PDE1C: variants seen among roughly 807,000 people sequenced by gnomAD.
PDE1C encodes the protein dual specificity calcium/calmodulin-dependent 3',5'-cyclic nucleotide phosphodiesterase 1C.
A neutral mutation model predicts 93.1 loss-of-function variants in PDE1C; 62 were observed. The ratio of observed to expected loss-of-function variants is 0.67; its 90% CI spans 0.54 to 0.82. The LOEUF (loss-of-function observed/expected upper bound fraction) is 0.82, where lower values mean the gene tolerates loss of function less well. PDE1C is among the 40% of genes least tolerant of loss of function. PDE1C has a pLI of 0.00. For synonymous variants in PDE1C, 325 were observed against 310.1 expected, an observed-to-expected ratio of 1.05 and a Z score of -0.50; for missense variants, 742 against 884.6, an observed-to-expected ratio of 0.84 and a Z score of 2.04.
intron 7 of PDE1C, among the ~76,000 whole-genome samples, chr7:31,859,769 A>G (rs1182681989): frequency 1.3e-5 from 2 of 152,116 alleles, no homozygotes; most frequent in Admixed American, 1.3e-4. Flanking sequence ...AGAGGTAACC[A>G]CTATCTTCAA....
chr7:31,881,010 A>G lies in PDE1C; in HGVS notation c.129-150T>C, dbSNP rs1797180940. On this transcript the variant is annotated intron_variant, in intron 2 of 17. Coordinates refer to ENST00000396191, the MANE Select transcript of PDE1C (RefSeq NM_001191057.4). ...TAATTATGGGACCAAAGGAGCAGGT[A>G]ATAAAATAAATGTATACATTTTTGC... 3 of 600,390 alleles carry G rather than the reference A, an allele frequency of 5.0e-6. No homozygotes were observed. In the African/African-American group the frequency reaches 5.7e-5, roughly 11 times the overall value. 37.2% of individuals were successfully genotyped at this position (600,390 alleles called of 1,614,324 possible). A position where few individuals can be genotyped will look rare whatever the true frequency, so the allele number is the denominator to read the frequency against.
At chr7:32,014,473 A>G (rs1409273809) in intron 2 of PDE1C, among the ~76,000 whole-genome samples, 1 of 107,718 alleles carries the variant, frequency 9.3e-6, no homozygotes, top group Admixed American at 1.0e-4. Context: ...TTTTTTATTT[A>G]TTTTAAGTTC....
chr7:32,182,616 C>G (rs925292890), intron 2 of PDE1C, among the ~76,000 whole-genome samples: 1 of 152,192 alleles, frequency 6.6e-6, no homozygotes. Flanking sequence ...ATGCTAAAAA[C>G]TCTCAATAAA....
the PDE1C span, among the ~76,000 whole-genome samples, chr7:31,712,851 C>A: frequency 2.6e-5 from 4 of 152,256 alleles, no homozygotes; most frequent in African/African-American, 9.6e-5. Flanking sequence ...ACCATCAGAT[C>A]TCATGAGACT....
At chr7:32,293,439 G>T (rs951777960) in intron 1 of PDE1C, among the ~76,000 whole-genome samples, 36 of 152,182 alleles carry the variant, frequency 2.4e-4, no homozygotes, top group African/African-American at 8.4e-4. Flanking sequence ...CAAATGCTGT[G>T]AAGTGGCATA....
At chr7:31,635,546 T>A in the PDE1C span, among the ~76,000 whole-genome samples, 2 of 152,198 alleles carry the variant, frequency 1.3e-5, no homozygotes, top group Admixed American at 1.3e-4. Flanking sequence ...ACAAGTACAG[T>A]TAATGAAAGG....
chr7:32,105,460 C>T (rs1295699758), intron 3 of PDE1C, among the ~76,000 whole-genome samples: 3 of 152,224 alleles, frequency 2.0e-5, no homozygotes, highest in African/African-American at 7.2e-5. Context: ...ATTCAGTGAC[C>T]TATTCCACCT....
intron 2 of PDE1C, among the ~76,000 whole-genome samples, chr7:31,963,337 T>C (rs371716796): frequency 6.6e-6 from 1 of 152,230 alleles, no homozygotes; most frequent in East Asian, 1.9e-4. Context: ...TATCTGCTTG[T>C]TTGTTTATAT....
intron 1 of PDE1C, among the ~76,000 whole-genome samples, chr7:32,295,976 T>C (rs76420288): frequency 0.011 from 1,695 of 151,496 alleles, 43 homozygotes; most frequent in African/African-American, 0.039. Flanking sequence ...TGGTGAAAAT[T>C]AAAAGCAACC....
chr7:31,995,348 T>C (rs562645450), intron 2 of PDE1C, among the ~76,000 whole-genome samples: 219 of 152,256 alleles, frequency 1.4e-3, no homozygotes, highest in Non-Finnish European at 2.7e-3. Context: ...GCAATTTTTG[T>C]TTTGAAGACC....
the PDE1C span, among the ~76,000 whole-genome samples, chr7:31,674,989 A>C: frequency 1.3e-5 from 2 of 152,204 alleles, no homozygotes; most frequent in Non-Finnish European, 2.9e-5. Flanking sequence ...CTCACATGGG[A>C]TTTAGAAGGT....
chr7:32,109,037 C>G (rs1798501260), intron 3 of PDE1C, among the ~76,000 whole-genome samples: 1 of 152,062 alleles, frequency 6.6e-6, no homozygotes, highest in African/African-American at 2.4e-5. Context: ...GCCACAAATA[C>G]TATAGGAGCA....
chr7:31,697,121 A>G, the PDE1C span: 4 of 1,613,692 alleles, frequency 2.5e-6, no homozygotes, highest in Non-Finnish European at 3.4e-6. Flanking sequence ...GCAGCAGGTA[A>G]AAAAGCTGGT....
intron 6 of PDE1C, among the ~76,000 whole-genome samples, chr7:31,868,762 A>G (rs1162297092): frequency 6.6e-6 from 1 of 152,172 alleles, no homozygotes; most frequent in South Asian, 2.1e-4. Context: ...TGTCAAAATC[A>G]AAGACAAAAA....
chr7:31,650,517 G>A, the PDE1C span, among the ~76,000 whole-genome samples: 2 of 152,174 alleles, frequency 1.3e-5, no homozygotes, highest in African/African-American at 4.8e-5. Flanking sequence ...AGGATTAAAA[G>A]CGTAGACAAA....
chr7:31,872,361 C>G (rs1251399222), intron 6 of PDE1C, among the ~76,000 whole-genome samples: 1 of 151,926 alleles, frequency 6.6e-6, no homozygotes, highest in Admixed American at 6.6e-5. Flanking sequence ...TTGTGCATTT[C>G]AAAATAGCTA....
chr7:32,403,116 A>G (rs1332961017), intron 1 of PDE1C, among the ~76,000 whole-genome samples: 2 of 152,206 alleles, frequency 1.3e-5, no homozygotes, highest in African/African-American at 4.8e-5. Context: ...GCCTGACTCC[A>G]TGATCATCCC....
chr7:32,408,567 T>A (rs761415102), intron 1 of PDE1C, among the ~76,000 whole-genome samples: 5 of 152,142 alleles, frequency 3.3e-5, no homozygotes, highest in Admixed American at 6.5e-5. Context: ...GGCAGGCAGA[T>A]CATTTGAGGT....
At chr7:32,047,092 T>TGTGTGTGTGTGTGTG (rs397734342) in intron 2 of PDE1C, among the ~76,000 whole-genome samples, 2 of 148,874 alleles carry the variant, frequency 1.3e-5, no homozygotes, top group African/African-American at 5.0e-5. Flanking sequence ...TGTGTGTGTG[T>TGTGTGTGTGTGTGTG]TGGAAGCACC....
Sources: gnomAD v4.1 joint callset for allele counts (sites outside exome capture counted in the v4.1 genomes callset) on GRCh38, gnomAD v4.1.1 for gene constraint, MANE v1.5 for transcripts, NCBI Gene and HGNC (gene_info 2026-07-23, HGNC 2026-07-21) for gene names.